The following GABBR1 variants were observed in gnomAD, a reference collection of about 807,000 sequenced individuals.
The protein encoded by GABBR1 is GABA-B receptor, R1 subunit.
In GABBR1, 35 loss-of-function variants were observed where a neutral mutation model predicts 117.7. The observed-to-expected ratio is 0.30, with a 90% CI of 0.23 to 0.39. GABBR1 has a LOEUF of 0.39. Among genes scored for constraint, GABBR1 ranks in the 10% least tolerant of loss-of-function variants. GABBR1 has a pLI of 1.00. For synonymous variants in GABBR1, 442 were observed against 486.6 expected, an observed-to-expected ratio of 0.91 and a Z score of 1.21; for missense variants, 709 against 1,241.8, an observed-to-expected ratio of 0.57 and a Z score of 6.45.
Position 29,602,539 on chromosome 6 carries a change from G to A in GABBR1, c.*1004C>T, listed in dbSNP as rs3025642. 0.04 allele frequency: 6,893 copies of A among 172,548 alleles called. 227 individuals carry two copies. The highest frequency in any genetic ancestry group is 0.1 in the East Asian group (652 of 6,298). 10.7% of individuals were successfully genotyped at this position (172,548 alleles called of 1,614,324 possible). A position where few individuals can be genotyped will look rare whatever the true frequency, so the allele number is the denominator to read the frequency against. On this transcript the variant is annotated 3_prime_UTR_variant, in exon 23 of 23. Coordinates refer to ENST00000377034, the MANE Select transcript of GABBR1 (RefSeq NM_001470.4). ...AATGCAATGGAGATGGGGGGAATCTGAGCAGAAATGGAGATTCTGTGACAA... is the reference window on the plus strand; with the variant it reads ...AATGCAATGGAGATGGGGGGAATCTAAGCAGAAATGGAGATTCTGTGACAA...
rs1378194331 is a variant in GABBR1 at position 29,609,395 on chromosome 6, G to A, written c.1709-16C>T. ...GGGGACCCTCCTGCATGGCACAGGG[G>A]AGGAAGAGGGGAAGGGAAAAGAGAA... On this transcript the variant is annotated splice_polypyrimidine_tract_variant and intron_variant, in intron 14 of 22. Coordinates refer to ENST00000377034, the MANE Select transcript of GABBR1 (RefSeq NM_001470.4). The surrounding 1 kb of genome is among the most constrained non-coding windows in gnomAD (Gnocchi z 4.3). The A allele has an allele frequency of 1.2e-6, 2 of 1,611,604 alleles. No homozygotes were observed. The highest frequency in any genetic ancestry group is 1.7e-6 in the Non-Finnish European group (2 of 1,178,920).
Position 29,604,777 on chromosome 6 carries a change from G to C in GABBR1, c.2568+83C>G. 6.3e-7 allele frequency: 1 copy of C among 1,583,424 alleles called. No homozygotes were observed. ...AGGAGTGAGAGGAGGGTGAACGGAA[G>C]GGCAGAGGAACTCAGTAATATAGGA... On this transcript the variant is annotated intron_variant, in intron 21 of 22. Coordinates refer to ENST00000377034, the MANE Select transcript of GABBR1 (RefSeq NM_001470.4). The surrounding 1 kb of genome is among the most constrained non-coding windows in gnomAD (Gnocchi z 5.3).
At position 29,622,065 on chromosome 6, in the gene GABBR1, C is replaced by T; in HGVS notation, c.1065+39G>A. The stretch of plus-strand genomic sequence containing the variant: ...ACCAGTCACTGTCCCCCAGCTTGGT[C>T]CCTCCGTAAACAGAGCCCACCACTC... On this transcript the variant is annotated intron_variant, in intron 9 of 22. Transcript: ENST00000377034. This position sits in a 1 kb window ranked among gnomAD's most constrained non-coding sequence, Gnocchi z 4.6. The T allele has an allele frequency of 6.4e-7, 1 of 1,551,416 alleles. No individual in the cohort carries two copies. Among genetic ancestry groups the T allele is most frequent in the South Asian group, 1.1e-5 (1 of 89,710 alleles).
rs6900577 is a variant in GABBR1, at chr6:29,620,464, T to C, written c.1323+637A>G. Among the ~76,000 whole-genome samples the C allele has an allele frequency of 0.15, 22,461 of 152,144 alleles. 1,906 individuals carry two copies. Among genetic ancestry groups the C allele is most frequent in the Middle Eastern group, 0.31 (92 of 294 alleles). The stretch of plus-strand genomic sequence containing the variant: ...AGCAACAAAGAAGCCTCTTCCCCTG[T>C]GCCCACACCCACACTCACTTCTGCC... On this transcript the variant is annotated intron_variant, in intron 11 of 22. Transcript: ENST00000377034. The surrounding 1 kb of genome is among the most constrained non-coding windows in gnomAD (Gnocchi z 4.5).
chr6:29,603,704 C>T lies in GABBR1; in HGVS notation c.2725G>A (p.Val909Ile). The T allele has an allele frequency of 6.7e-7, 1 of 1,485,640 alleles. No individual in the cohort carries two copies. The allele number at this position is 1,485,640 out of a possible 1,614,324, so 92.0% of individuals were successfully genotyped here. ...TGGAGTTGATGGCGCAGTTCAGAGA[C>T]ACGCTCCTCTTTCTGGAGGAAGAAG... ...EKIIAEKEER[V>I]SELRHQLQSR... The change falls in exon 23 of 23, where the codon GTC (valine) becomes ATC (isoleucine). Residue 909 changes from valine to isoleucine, a missense_variant. By Grantham distance (29) the Val-to-Ile change is conservative. This residue lies in a region of GABBR1 where 251 missense variants were observed against 445.3 expected (regional missense o/e 0.56). Transcript: ENST00000377034.
rs1764369553 is a variant in GABBR1 at position 29,627,279 on chromosome 6, T to G, written c.657+207A>C. Among the ~76,000 whole-genome samples, 1 of 152,188 alleles carries G rather than the reference T, an allele frequency of 6.6e-6. No homozygotes were observed. Among genetic ancestry groups the G allele is most frequent in the African/African-American group, 2.4e-5 (1 of 41,448 alleles). On this transcript the variant is annotated intron_variant, in intron 6 of 22. Coordinates refer to ENST00000377034, the MANE Select transcript of GABBR1 (RefSeq NM_001470.4). This position sits in a 1 kb window ranked among gnomAD's most constrained non-coding sequence, Gnocchi z 4.4. ...TGCCTTGCAGCATGCTTAACCATCTTGAGCCCCTAGACCCTCATCTTGGAC... is the reference window on the plus strand; with the variant it reads ...TGCCTTGCAGCATGCTTAACCATCTGGAGCCCCTAGACCCTCATCTTGGAC...
intron 6 of GABBR1, chr6:29,624,398 A>G (rs1764062405): frequency 2.3e-5 from 4 of 171,558 alleles, no homozygotes; most frequent in Non-Finnish European, 5.0e-5. Flanking sequence ...AGAAGTCAGT[A>G]GGAATACGGT....
chr6:29,602,813 A>T lies in GABBR1; in HGVS notation c.*730T>A. 2.8e-6 allele frequency: 1 copy of T among 357,372 alleles called. No homozygotes were observed. Among genetic ancestry groups the T allele is most frequent in the Non-Finnish European group, 5.5e-6 (1 of 181,560 alleles). The allele number at this position is 357,372 out of a possible 1,614,324, so 22.1% of individuals were successfully genotyped here. A position where few individuals can be genotyped will look rare whatever the true frequency, so the allele number is the denominator to read the frequency against. ...AAACACGCTCAAGGGCAGACCCATG[A>T]CCATGAGAGGGGCACACGTAGCTGT... On this transcript the variant is annotated 3_prime_UTR_variant, in exon 23 of 23. Coordinates refer to ENST00000377034, the MANE Select transcript of GABBR1 (RefSeq NM_001470.4).
Position 29,604,988 on chromosome 6 carries a change from C to T in GABBR1, c.2440G>A (p.Val814Ile). Residue 814 changes from valine (V) to isoleucine (I), a missense_variant and splice_region_variant, in exon 21 of 23, where the codon GTC becomes ATC. This residue lies in a region of GABBR1 where 251 missense variants were observed against 445.3 expected (regional missense o/e 0.56). Transcript: ENST00000377034. This position sits in a 1 kb window ranked among gnomAD's most constrained non-coding sequence, Gnocchi z 5.3. ...ACAGGAGCAGTGATGAGGCACAGGA[C>T]CTAGAGGGAAAGACACATTGAGGGA... Reference protein sequence around the residue: ...AVGMAIYNVAVLCLITAPVTM... With the variant: ...AVGMAIYNVAILCLITAPVTM... 4.4e-6 allele frequency: 7 copies of T among 1,608,936 alleles called. No homozygotes were observed. Among genetic ancestry groups the T allele is most frequent in the Non-Finnish European group, 5.9e-6 (7 of 1,178,198 alleles).
rs1015508035 is a variant in GABBR1, at chr6:29,609,079, G to T, written c.1859+150C>A. 7.5e-6 allele frequency: 6 copies of T among 795,398 alleles called. No homozygotes were observed. The highest frequency in any genetic ancestry group is 1.2e-5 in the Non-Finnish European group (6 of 507,584). The allele number at this position is 795,398 out of a possible 1,614,324, so 49.3% of individuals were successfully genotyped here. On this transcript the variant is annotated intron_variant, in intron 15 of 22. Coordinates refer to ENST00000377034, the MANE Select transcript of GABBR1 (RefSeq NM_001470.4). This position sits in a 1 kb window ranked among gnomAD's most constrained non-coding sequence, Gnocchi z 4.3. ...GGAGTAGGAGTGGGGGTTATATCTG[G>T]TTTCCCTGTTTTCATTCTCAACAAG...
rs972497192 is a variant in GABBR1, at chr6:29,607,503, T to A, written c.1993-285A>T. ...CCAAAAACCTCCAACCACTCCCCAA[T>A]ATCTATAAGTTATAGCCTGAACACT... On this transcript the variant is annotated intron_variant, in intron 16 of 22. Transcript: ENST00000377034. The surrounding 1 kb of genome is among the most constrained non-coding windows in gnomAD (Gnocchi z 5.0). Among the ~76,000 whole-genome samples, 4 of 152,202 alleles carry A rather than the reference T, an allele frequency of 2.6e-5. No individual in the cohort carries two copies. The highest frequency in any genetic ancestry group is 2.1e-4 in the South Asian group (1 of 4,822).
Position 29,605,901 on chromosome 6 carries a change from G to A in GABBR1, c.2312-205C>T, listed in dbSNP as rs1288894214. The A allele has an allele frequency of 1.7e-6, 1 of 601,246 alleles. No homozygotes were observed. The highest frequency in any genetic ancestry group is 1.9e-5 in the African/African-American group (1 of 53,938). 37.2% of individuals were successfully genotyped at this position (601,246 alleles called of 1,614,324 possible). ...TGCCCAGACCACATCACTTTTTCCT[G>A]GGATTCACACAGGAAAGCAATGGTG... is the stretch of plus-strand genomic sequence containing the variant. On this transcript the variant is annotated intron_variant, in intron 19 of 22. Coordinates refer to ENST00000377034, the MANE Select transcript of GABBR1 (RefSeq NM_001470.4). This position sits in a 1 kb window ranked among gnomAD's most constrained non-coding sequence, Gnocchi z 4.2.
In GABBR1 at chr6:29,622,017, C is replaced by A; in HGVS notation, c.1065+87G>T. On this transcript the variant is annotated intron_variant, in intron 9 of 22. Transcript: ENST00000377034. The surrounding 1 kb of genome is among the most constrained non-coding windows in gnomAD (Gnocchi z 4.6). ...TATTGCCTCAGAGAATCAAAACCTG[C>A]CCCCGCCTGGCTTTCCTCTCCAACC... 1 of 1,244,158 alleles carries A rather than the reference C, an allele frequency of 8.0e-7. No homozygotes were observed. The highest frequency in any genetic ancestry group is 1.2e-6 in the Non-Finnish European group (1 of 854,820). 77.1% of individuals were successfully genotyped at this position (1,244,158 alleles called of 1,614,324 possible). A position where few individuals can be genotyped will look rare whatever the true frequency, so the allele number is the denominator to read the frequency against.
chr6:29,609,315 G>C lies in GABBR1; in HGVS notation c.1773C>G (p.Leu591=), dbSNP rs756296315. Reference sequence around the variant, plus strand: ...TGGAGAGAACTGAGACGGAGATAAAGAGTTTCTGTGACAGGAAGCGGAATG... The same window carrying C: ...TGGAGAGAACTGAGACGGAGATAAACAGTTTCTGTGACAGGAAGCGGAATG... ...IKTFRFLSQK[L]FISVSVLSSL... The change falls in exon 15 of 23, where the codon CTC becomes CTG. Residue 591 remains leucine (L), a synonymous_variant. Transcript: ENST00000377034. This position sits in a 1 kb window ranked among gnomAD's most constrained non-coding sequence, Gnocchi z 4.3. 1.9e-6 allele frequency: 3 copies of C among 1,613,026 alleles called. No individual in the cohort carries two copies. The highest frequency in any genetic ancestry group is 2.5e-6 in the Non-Finnish European group (3 of 1,180,000).
In GABBR1 at chr6:29,603,132, G is replaced by C. The variant is rs1322523785; in HGVS notation, c.*411C>G. Reference sequence around the variant, plus strand: ...AGGAGAGGCCCCTTTGGGGTGGAAAGAGCACTTGTTGGGAGACCCCTGCTG... The same window carrying C: ...AGGAGAGGCCCCTTTGGGGTGGAAACAGCACTTGTTGGGAGACCCCTGCTG... On this transcript the variant is annotated 3_prime_UTR_variant, in exon 23 of 23. Transcript: ENST00000377034. The C allele has an allele frequency of 2.1e-6, 1 of 467,364 alleles. No homozygotes were observed. The highest frequency in any genetic ancestry group is 2.0e-5 in the African/African-American group (1 of 50,482). The allele number at this position is 467,364 out of a possible 1,614,324, so 29.0% of individuals were successfully genotyped here.
Position 29,613,104 on chromosome 6 carries a change from C to T in GABBR1, c.1566+139G>A, listed in dbSNP as rs1762723014. 1.1e-6 allele frequency: 1 copy of T among 907,982 alleles called. No individual in the cohort carries two copies. Among genetic ancestry groups the T allele is most frequent in the Non-Finnish European group, 1.7e-6 (1 of 586,000 alleles). The allele number at this position is 907,982 out of a possible 1,614,324, so 56.2% of individuals were successfully genotyped here. A position where few individuals can be genotyped will look rare whatever the true frequency, so the allele number is the denominator to read the frequency against. On this transcript the variant is annotated intron_variant, in intron 12 of 22. Transcript: ENST00000377034. The surrounding 1 kb of genome is among the most constrained non-coding windows in gnomAD (Gnocchi z 4.1). ...TGATGGGTTCTTCTAATTTGAAGGT[C>T]CCTACTTCTCTGGTCGGAGACTGAT...
chr6:29,602,823 G>A lies in GABBR1; in HGVS notation c.*720C>T, dbSNP rs1160752064. ...AAGGGCAGACCCATGACCATGAGAG[G>A]GGCACACGTAGCTGTGAATGCAGGG... On this transcript the variant is annotated 3_prime_UTR_variant, in exon 23 of 23. Transcript: ENST00000377034. 5.6e-6 allele frequency: 2 copies of A among 358,618 alleles called. No individual in the cohort carries two copies. The highest frequency in any genetic ancestry group is 5.5e-6 in the Non-Finnish European group (1 of 182,194). The allele number at this position is 358,618 out of a possible 1,614,324, so 22.2% of individuals were successfully genotyped here. A position where few individuals can be genotyped will look rare whatever the true frequency, so the allele number is the denominator to read the frequency against.
In GABBR1 at chr6:29,604,628, G is replaced by T; in HGVS notation, c.2578C>A (p.Leu860Met). ...VVLFVPKMRR[L>M]ITRGEWQSEA... ...GACTGCCATTCCCCTCGGGTGATCAGCCTGCGCATCTGGGGGCAAATGTTT... is the reference window on the plus strand; with the variant it reads ...GACTGCCATTCCCCTCGGGTGATCATCCTGCGCATCTGGGGGCAAATGTTT... The change falls in exon 22 of 23, where the codon CTG becomes ATG. Residue 860 changes from leucine to methionine, a missense_variant. By Grantham distance (15) the Leu-to-Met change is conservative (BLOSUM62 2). Coordinates refer to ENST00000377034, the MANE Select transcript of GABBR1 (RefSeq NM_001470.4). The surrounding 1 kb of genome is among the most constrained non-coding windows in gnomAD (Gnocchi z 5.3). 2 of 1,613,254 alleles carry T rather than the reference G, an allele frequency of 1.2e-6. No homozygotes were observed. The highest frequency in any genetic ancestry group is 1.7e-6 in the Non-Finnish European group (2 of 1,180,040).
Position 29,627,600 on chromosome 6 carries a change from G to A in GABBR1, c.543C>T (p.Gly181=). 6.4e-7 allele frequency: 1 copy of A among 1,571,908 alleles called. No individual in the cohort carries two copies. ...GCTGGCAGGCCTGGCCCCCTGGCCA[G>A]CCCCCGCTCATGGGAAACAGTGCCC... is the stretch of plus-strand genomic sequence containing the variant. ...YIGALFPMSG[G]WPGGQACQPA... The change falls in exon 6 of 23, where the codon GGC becomes GGT. Residue 181 remains glycine (G), a synonymous_variant. Coordinates refer to ENST00000377034, the MANE Select transcript of GABBR1 (RefSeq NM_001470.4). This position sits in a 1 kb window ranked among gnomAD's most constrained non-coding sequence, Gnocchi z 4.4.
Sources: allele counts gnomAD v4.1 joint callset (sites outside exome capture counted in the v4.1 genomes callset), GRCh38; gene constraint gnomAD v4.1.1; regional missense constraint gnomAD v4.1.1; non-coding constraint Gnocchi (gnomAD v3.1); transcripts MANE v1.5; gene names NCBI Gene and HGNC (gene_info 2026-07-23, HGNC 2026-07-21).